CAGE1: variants seen among roughly 807,000 people sequenced by gnomAD.
CAGE1 encodes the protein cancer antigen 1.
CAGE1 carries 66 observed loss-of-function variants against 94.9 expected under a neutral mutation model. The ratio of observed to expected loss-of-function variants is 0.70; its 90% CI spans 0.57 to 0.85. The LOEUF is 0.85. CAGE1 is among the 40% of genes least tolerant of loss of function. CAGE1 has a pLI of 0.00. For synonymous variants in CAGE1, 319 were observed against 321.0 expected, an observed-to-expected ratio of 0.99 and a Z score of 0.07; for missense variants, 865 against 950.4, an observed-to-expected ratio of 0.91 and a Z score of 1.18.
chr6:7,358,024 T>TGAGA (rs1261184477), intron 9 of CAGE1, among the ~76,000 whole-genome samples: 4 of 48,888 alleles, frequency 8.2e-5, no homozygotes, highest in African/African-American at 2.9e-4. Context: ...AGGTAAGTTT[T>TGAGA]GAGATATATA....
intron 9 of CAGE1, among the ~76,000 whole-genome samples, chr6:7,363,271 A>AAAAC (rs978326849): frequency 3.7e-4 from 57 of 152,364 alleles, no homozygotes; most frequent in African/African-American, 1.3e-3. Flanking sequence ...TCCGTCTCTA[A>AAAAC]AAACAAACAA....
chr6:7,328,902 GTGTGTGTGTGTGTGTGTA>G (rs1353828138), intron 13 of CAGE1, among the ~76,000 whole-genome samples: 15 of 92,862 alleles, frequency 1.6e-4, no homozygotes, highest in African/African-American at 5.1e-4. Flanking sequence ...GTGTGTGTGT[GTGTGTGTGTGTGTGTGTA>G]TATATATATA....
intron 3 of CAGE1, among the ~76,000 whole-genome samples, chr6:7,385,561 C>T (rs4960307): frequency 0.44 from 67,283 of 152,044 alleles, 17,298 homozygotes; most frequent in Middle Eastern, 0.59. Context: ...CTACACAATC[C>T]TGGGCAAGTT....
At chr6:7,355,386 A>G (rs1035771234) in intron 10 of CAGE1, among the ~76,000 whole-genome samples, 2 of 152,232 alleles carry the variant, frequency 1.3e-5, no homozygotes, top group African/African-American at 4.8e-5. Context: ...GTATGCATCA[A>G]CTAGGGATTA....
At chr6:7,375,446 C>G (rs1008139245) in intron 4 of CAGE1, among the ~76,000 whole-genome samples, 1 of 151,698 alleles carries the variant, frequency 6.6e-6, no homozygotes, top group African/African-American at 2.4e-5. Context: ...AAAACAAAAA[C>G]AAAACCCAGG....
chr6:7,331,886 T>C (rs1758766798), intron 12 of CAGE1, among the ~76,000 whole-genome samples: 1 of 152,196 alleles, frequency 6.6e-6, no homozygotes, highest in Admixed American at 6.5e-5. Flanking sequence ...AACTTTAATT[T>C]TGGTCTTCCA....
chr6:7,352,290 C>CAAAAAAAAAAAACAAAAAAAAAAAA (rs1759798360), intron 11 of CAGE1, among the ~76,000 whole-genome samples: 5 of 43,640 alleles, frequency 1.1e-4, no homozygotes, highest in East Asian at 5.3e-4. Flanking sequence ...ACAATAGCTG[C>CAAAAAAAAAAAACAAAAAAAAAAAA]AAAAAAAAAA....
chr6:7,338,727 C>G (rs1759055479), intron 11 of CAGE1: 2 of 667,448 alleles, frequency 3.0e-6, no homozygotes, highest in African/African-American at 1.8e-5. Context: ...TCCCCCAAGT[C>G]CCCAAAGTCC....
intron 11 of CAGE1, among the ~76,000 whole-genome samples, chr6:7,345,044 C>A (rs981230299): frequency 6.6e-6 from 1 of 152,188 alleles, no homozygotes; most frequent in East Asian, 1.9e-4. Flanking sequence ...CCCAAGCCAG[C>A]AGCGGCAGAT....
chr6:7,342,344 C>T (rs952004775), intron 11 of CAGE1, among the ~76,000 whole-genome samples: 8 of 152,140 alleles, frequency 5.3e-5, no homozygotes, highest in Non-Finnish European at 8.8e-5. Flanking sequence ...CTCCATTCTT[C>T]CAGCGGCAGG....
chr6:7,358,107 T>C (rs1379565185), intron 9 of CAGE1, among the ~76,000 whole-genome samples: 1 of 133,962 alleles, frequency 7.5e-6, no homozygotes, highest in Non-Finnish European at 1.6e-5. Context: ...AGATAATGAG[T>C]CTGCCCGTCA....
intron 12 of CAGE1, among the ~76,000 whole-genome samples, chr6:7,330,415 C>T (rs925090623): frequency 6.6e-5 from 10 of 151,976 alleles, no homozygotes; most frequent in African/African-American, 1.9e-4. Context: ...AATAAAATAA[C>T]GATGAGGCAC....
At chr6:7,355,456 C>T (rs1759919300) in intron 10 of CAGE1, among the ~76,000 whole-genome samples, 1 of 152,002 alleles carries the variant, frequency 6.6e-6, no homozygotes, top group African/African-American at 2.4e-5. Context: ...ACTAAGTTGG[C>T]AAGATTTAGA....
intron 13 of CAGE1, chr6:7,329,308 C>A: frequency 2.7e-6 from 1 of 370,000 alleles, no homozygotes; most frequent in Non-Finnish European, 4.8e-6. Flanking sequence ...TAGAAAGCTG[C>A]AGTTGGTTAG....
At chr6:7,368,637 AT>A in intron 7 of CAGE1, 50 bp downstream of exon 7, 2 of 996,232 alleles carry the variant, frequency 2.0e-6, no homozygotes, top group South Asian at 1.8e-5. Flanking sequence ...CCTTTTAACT[AT>A]TTTTTCACTA....
rs369787940 is a variant in CAGE1 at position 7,378,637 on chromosome 6, G to A, written c.667C>T (p.Pro223Ser). ...CTTTCCTTACATAAGAAGCTTGGAG[G>A]TTGGCTAGGGTTGAGGGCAGATTCC... is the stretch of plus-strand genomic sequence containing the variant. ...AKESALNPSQ[P>S]PSFLCKTAVP... is the part of the protein sequence containing the mutation. Residue 223 changes from proline to serine, a missense_variant, in exon 4 of 14, where the codon CCT (proline) becomes TCT (serine). Transcript: ENST00000502583. 1.3e-6 allele frequency: 2 copies of A among 1,587,530 alleles called. No individual in the cohort carries two copies. The highest frequency in any genetic ancestry group is 2.3e-5 in the South Asian group (2 of 86,206).
At chr6:7,385,749 C>A (rs1053147339) in intron 3 of CAGE1, 36 bp downstream of exon 3, 5 of 1,342,816 alleles carry the variant, frequency 3.7e-6, no homozygotes, top group Admixed American at 5.4e-5. Flanking sequence ...AAAAAAGTTT[C>A]TCTCTTTTGC....
chr6:7,333,932 T>C, intron 12 of CAGE1, 90 bp downstream of exon 12: 1 of 792,664 alleles, frequency 1.3e-6, no homozygotes. Context: ...CCTCCCAAAG[T>C]GCTGGGATTA....
At chr6:7,335,284 C>G (rs115301591) in intron 11 of CAGE1, among the ~76,000 whole-genome samples, 1 of 152,306 alleles carries the variant, frequency 6.6e-6, no homozygotes, top group African/African-American at 2.4e-5. Context: ...AGGTAATGGT[C>G]ACAGGTTCTA....
Sources: allele counts gnomAD v4.1 joint callset (sites outside exome capture counted in the v4.1 genomes callset), GRCh38; gene constraint gnomAD v4.1.1; transcripts MANE v1.5; gene names NCBI Gene and HGNC (gene_info 2026-07-23, HGNC 2026-07-21).